IGF2BP3: variants seen among roughly 807,000 people sequenced by gnomAD.
The protein encoded by IGF2BP3 is insulin like growth factor 2 mRNA binding protein 3.
IGF2BP3 carries 9 observed loss-of-function variants against 73.8 expected under a neutral mutation model. The observed-to-expected ratio is 0.12, with a 90% confidence interval of 0.07 to 0.21. IGF2BP3 has a LOEUF of 0.21. Among genes scored for constraint, IGF2BP3 ranks in the 10% least tolerant of loss-of-function variants. The pLI is 1.00. For missense variants in IGF2BP3, 542 were observed against 714.0 expected (o/e 0.76, Z 2.75); for synonymous variants, 258 against 256.7 (o/e 1.01, Z -0.05).
At chr7:23,398,680 T>C (rs1322619097) in intron 3 of IGF2BP3, among the ~76,000 whole-genome samples, 1 of 152,260 alleles carries the variant, frequency 6.6e-6, no homozygotes, top group Non-Finnish European at 1.5e-5. Flanking sequence ...TGAGCATTTT[T>C]TCATGTGCTT....
At chr7:23,434,026 C>T (rs1011982328) in intron 2 of IGF2BP3, among the ~76,000 whole-genome samples, 1 of 142,470 alleles carries the variant, frequency 7.0e-6, no homozygotes, top group Non-Finnish European at 1.5e-5. Context: ...TACAGTGAGA[C>T]AAGATTGTGC....
At chr7:23,314,408 A>C (rs1050856231) in intron 12 of IGF2BP3, among the ~76,000 whole-genome samples, 17 of 151,282 alleles carry the variant, frequency 1.1e-4, no homozygotes, top group Admixed American at 1.1e-3. Flanking sequence ...CTGGTCTCGA[A>C]CTCCTGACTT....
intron 3 of IGF2BP3, among the ~76,000 whole-genome samples, chr7:23,397,529 T>TA (rs541855778): frequency 1.2e-3 from 190 of 152,186 alleles, no homozygotes; most frequent in Admixed American, 3.3e-3. Flanking sequence ...TAACTAGCCA[T>TA]ACGCCATGCC....
intron 2 of IGF2BP3, among the ~76,000 whole-genome samples, chr7:23,437,742 C>T (rs1363497419): frequency 1.3e-5 from 2 of 152,134 alleles, no homozygotes; most frequent in South Asian, 2.1e-4. Flanking sequence ...TTTAAGATTT[C>T]ACCAATATTG....
chr7:23,463,736 G>A (rs1788501445), intron 2 of IGF2BP3, among the ~76,000 whole-genome samples: 1 of 152,214 alleles, frequency 6.6e-6, no homozygotes, highest in Non-Finnish European at 1.5e-5. Flanking sequence ...CAGCCATACA[G>A]TAGAAGCCAC....
At chr7:23,354,662 C>T (rs556284476) in intron 5 of IGF2BP3, among the ~76,000 whole-genome samples, 31 of 152,306 alleles carry the variant, frequency 2.0e-4, no homozygotes, top group Non-Finnish European at 3.7e-4. Context: ...TAACTTCTAA[C>T]TTTTATTGTG....
intron 9 of IGF2BP3, among the ~76,000 whole-genome samples, chr7:23,342,467 C>T (rs1038882454): frequency 1.3e-5 from 2 of 152,144 alleles, no homozygotes; most frequent in African/African-American, 2.4e-5. Flanking sequence ...GACTAGCCCA[C>T]AGGACTTAGA....
At chr7:23,319,326 G>A in intron 10 of IGF2BP3, 72 bp from the exon 11 acceptor site, 1 of 950,606 alleles carries the variant, frequency 1.1e-6, no homozygotes, top group Non-Finnish European at 1.7e-6. Context: ...ATTAGCTTTA[G>A]GAAGGACACC....
intron 2 of IGF2BP3, among the ~76,000 whole-genome samples, chr7:23,454,736 T>C (rs1030601933): frequency 6.6e-6 from 1 of 152,232 alleles, no homozygotes; most frequent in African/African-American, 2.4e-5. Context: ...ACCACTGTGC[T>C]GTACTGCTGT....
intron 2 of IGF2BP3, among the ~76,000 whole-genome samples, chr7:23,435,803 G>T (rs1787796885): frequency 6.6e-6 from 1 of 151,994 alleles, no homozygotes; most frequent in African/African-American, 2.4e-5. Flanking sequence ...TGCAGCCCAG[G>T]CTGGAGGGCA....
intron 2 of IGF2BP3, among the ~76,000 whole-genome samples, chr7:23,464,578 G>A (rs978247759): frequency 1.4e-4 from 21 of 152,054 alleles, no homozygotes; most frequent in Admixed American, 8.5e-4. Flanking sequence ...CAGCTACTAG[G>A]AGGGCTGAGG....
At chr7:23,447,484 G>T (rs1420523721) in intron 2 of IGF2BP3, among the ~76,000 whole-genome samples, 1 of 151,792 alleles carries the variant, frequency 6.6e-6, no homozygotes, top group African/African-American at 2.4e-5. Context: ...AAATTAGCCA[G>T]GCATGGGGTG....
At chr7:23,330,083 G>A (rs1308587532) in intron 10 of IGF2BP3, among the ~76,000 whole-genome samples, 3 of 151,926 alleles carry the variant, frequency 2.0e-5, no homozygotes, top group Admixed American at 6.6e-5. Context: ...TCAGGAGTTC[G>A]ACACCAGCCT....
At chr7:23,449,766 T>C (rs551375436) in intron 2 of IGF2BP3, among the ~76,000 whole-genome samples, 15 of 151,952 alleles carry the variant, frequency 9.9e-5, no homozygotes, top group African/African-American at 3.4e-4. Flanking sequence ...TTTAACTCTA[T>C]TGGCCAGGCT....
chr7:23,323,472 G>C (rs1784213379), intron 10 of IGF2BP3, among the ~76,000 whole-genome samples: 1 of 145,402 alleles, frequency 6.9e-6, no homozygotes, highest in South Asian at 2.3e-4. Context: ...TTAATAATGG[G>C]AGACTTTAAC....
At chr7:23,463,408 CA>C (rs138218473) in intron 2 of IGF2BP3, among the ~76,000 whole-genome samples, 2,763 of 152,286 alleles carry the variant, frequency 0.018, 40 homozygotes, top group Middle Eastern at 0.031. Flanking sequence ...AAGAGGTACA[CA>C]GGCAAAAACA....
chr7:23,430,721 C>G (rs992279131), intron 2 of IGF2BP3, among the ~76,000 whole-genome samples: 3 of 152,236 alleles, frequency 2.0e-5, no homozygotes, highest in African/African-American at 7.2e-5. Context: ...ATCAGTCTTA[C>G]ATTCCTGGTC....
In IGF2BP3 at chr7:23,384,584, G is replaced by A. The variant is rs539461219; in HGVS notation, c.286-22843C>T. ...CCTTTAAAAAGAATGGCCATAAATG[G>A]ATCTTTATAAAACAACCTGGTAGGC... On this transcript the variant is annotated intron_variant, in intron 3 of 14. Coordinates refer to ENST00000258729, the MANE Select transcript of IGF2BP3 (RefSeq NM_006547.3). Among the ~76,000 whole-genome samples the A allele has an allele frequency of 9.2e-5, 14 of 151,952 alleles. No homozygotes were observed. In the South Asian group the frequency reaches 2.9e-3, roughly 32 times the overall value.
chr7:23,374,748 T>C (rs1432537612), intron 3 of IGF2BP3, among the ~76,000 whole-genome samples: 1 of 152,044 alleles, frequency 6.6e-6, no homozygotes, highest in Non-Finnish European at 1.5e-5. Flanking sequence ...TCGGGGGAAA[T>C]TCACCCCCGA....
Sources: gnomAD v4.1 joint callset for allele counts (sites outside exome capture counted in the v4.1 genomes callset) on GRCh38, gnomAD v4.1.1 for gene constraint, MANE v1.5 for transcripts, NCBI Gene and HGNC (gene_info 2026-07-23, HGNC 2026-07-21) for gene names.